The following SLC6A4 variants were observed in gnomAD, a reference collection of about 807,000 sequenced individuals.
The protein encoded by SLC6A4 is solute carrier family 6 member 4.
In SLC6A4, 22 loss-of-function variants were observed where a neutral mutation model predicts 73.4. That is an observed-to-expected ratio of 0.30 (90% CI 0.21 to 0.43). The LOEUF (loss-of-function observed/expected upper bound fraction) is 0.43. Among genes scored for constraint, SLC6A4 ranks in the 20% least tolerant of loss-of-function variants. SLC6A4 has a pLI of 1.00. For missense variants in SLC6A4, 593 were observed against 808.5 expected (o/e 0.73, Z 3.23); for synonymous variants, 270 against 315.5 (o/e 0.86, Z 1.53).
intron 3 of SLC6A4, among the ~76,000 whole-genome samples, chr17:30,220,049 G>A (rs1347340784): frequency 6.6e-6 from 1 of 152,196 alleles, no homozygotes; most frequent in Non-Finnish European, 1.5e-5. Context: ...CTCTGGAGCA[G>A]GAGATAAGGT....
Position 30,223,252 on chromosome 17 carries a change from T to G in SLC6A4, c.-220-337A>C, listed in dbSNP as rs114033421. On this transcript the variant is annotated intron_variant, in intron 1 of 14. Transcript: ENST00000650711. Reference sequence around the variant, plus strand: ...GAAATACGTTTCTGCCTAGCTGAGATGACACTGGACCCTTCTAGAAAAGAT... The same window carrying G: ...GAAATACGTTTCTGCCTAGCTGAGAGGACACTGGACCCTTCTAGAAAAGAT... Among the ~76,000 whole-genome samples the G allele has an allele frequency of 5.0e-3, 762 of 152,316 alleles. 4 individuals carry two copies. The highest frequency in any genetic ancestry group is 0.018 in the African/African-American group (734 of 41,562).
rs769335893 is a variant in SLC6A4 at position 30,221,655 on chromosome 17, C to T, written c.304G>A (p.Val102Ile). 6.8e-6 allele frequency: 11 copies of T among 1,614,070 alleles called. No individual in the cohort carries two copies. The African/African-American group carries it at 8.0e-5, about 12-fold the overall frequency. The change falls in exon 3 of 15, where the codon GTC becomes ATC. Residue 102 changes from valine (V) to isoleucine (I), a missense_variant. Coordinates refer to ENST00000650711, the MANE Select transcript of SLC6A4 (RefSeq NM_001045.6). ...TAACATATGTAGGGGAAGCGCCAGACATTGCCCAGGTCCACAGCATAGCCA... is the reference window on the plus strand; with the variant it reads ...TAACATATGTAGGGGAAGCGCCAGATATTGCCCAGGTCCACAGCATAGCCA... ...VIGYAVDLGNVWRFPYICYQN... is the reference protein window; with the variant it reads ...VIGYAVDLGNIWRFPYICYQN...
intron 7 of SLC6A4, 24 bp from the exon 8 acceptor site, chr17:30,215,738 CATGG>C: frequency 6.2e-7 from 1 of 1,600,128 alleles, no homozygotes; most frequent in African/African-American, 1.3e-5. Context: ...GGGGTAAGGG[CATGG>C]GGTGAGGGGG....
chr17:30,209,037 A>G (rs897730888), intron 12 of SLC6A4, 106 bp downstream of exon 12: 4 of 742,610 alleles, frequency 5.4e-6, no homozygotes, highest in Non-Finnish European at 9.3e-6. Context: ...GGGAGGTCAC[A>G]TCTTGTAAAC....
rs397965577 is a variant in SLC6A4 at position 30,230,101 on chromosome 17, G to GA, written c.-221+5511_-221+5512insT. ...AAGAAGAAGAAGAAGAAGAAGAGGA[G>GA]GAAGAGGAAGAGGAAGAGGAAGAGG... On this transcript the variant is annotated intron_variant, in intron 1 of 14. Coordinates refer to ENST00000650711, the MANE Select transcript of SLC6A4 (RefSeq NM_001045.6). Among the ~76,000 whole-genome samples, 31 of 90,428 alleles carry GA rather than the reference G, an allele frequency of 3.4e-4. No homozygotes were observed. The East Asian group carries it at 0.012, about 35-fold the overall frequency. 59.3% of individuals were successfully genotyped at this position (90,428 alleles called of 152,430 possible). A position where few individuals can be genotyped will look rare whatever the true frequency, so the allele number is the denominator to read the frequency against.
chr17:30,209,158 C>G lies in SLC6A4; in HGVS notation c.1534G>C (p.Val512Leu). ...AGCGTCTTACCATAGAACCAAGACA[C>G]AGCGACTGCTTCGATCAGCGCGACA... ...LTVALIEAVA[V>L]SWFYGITQFC... The change falls in exon 12 of 15, where the codon GTG (valine) becomes CTG (leucine). Residue 512 changes from valine to leucine, a missense_variant. By Grantham distance (32) the Val-to-Leu change is conservative. Coordinates refer to ENST00000650711, the MANE Select transcript of SLC6A4 (RefSeq NM_001045.6). 6.2e-7 allele frequency: 1 copy of G among 1,613,162 alleles called. No individual in the cohort carries two copies. Among genetic ancestry groups the G allele is most frequent in the Non-Finnish European group, 8.5e-7 (1 of 1,179,180 alleles).
chr17:30,208,676 A>C (rs1906285392), intron 12 of SLC6A4, among the ~76,000 whole-genome samples: 1 of 152,040 alleles, frequency 6.6e-6, no homozygotes, highest in Non-Finnish European at 1.5e-5. Flanking sequence ...AAAGTGGTTT[A>C]TTTTTGTTTG....
At chr17:30,220,600 A>G (rs1489868752) in intron 3 of SLC6A4, among the ~76,000 whole-genome samples, 1 of 152,180 alleles carries the variant, frequency 6.6e-6, no homozygotes, top group Non-Finnish European at 1.5e-5. Flanking sequence ...CCAGACTGGT[A>G]ATTAAGATTT....
intron 6 of SLC6A4, among the ~76,000 whole-genome samples, 198 bp downstream of exon 6, chr17:30,216,968 G>T (rs1328300431): frequency 6.6e-6 from 1 of 152,116 alleles, no homozygotes; most frequent in Non-Finnish European, 1.5e-5. Flanking sequence ...CCAAAGTGCT[G>T]GGATTAGAGA....
At chr17:30,230,070 A>AAGAAGAAGAAGT (rs1287845169) in intron 1 of SLC6A4, among the ~76,000 whole-genome samples, 2 of 112,776 alleles carry the variant, frequency 1.8e-5, no homozygotes, top group African/African-American at 9.9e-5. Flanking sequence ...GAAGAAGAAG[A>AAGAAGAAGAAGT]AGAAGAAGAA....
At chr17:30,222,370 C>T (rs1906793035) in intron 2 of SLC6A4, among the ~76,000 whole-genome samples, 1 of 152,190 alleles carries the variant, frequency 6.6e-6, no homozygotes, top group Non-Finnish European at 1.5e-5. Flanking sequence ...GAGCAAAGCA[C>T]TCGCTTCCCT....
intron 14 of SLC6A4, among the ~76,000 whole-genome samples, chr17:30,201,117 C>G (rs1906019266): frequency 1.3e-5 from 2 of 152,118 alleles, no homozygotes; most frequent in African/African-American, 4.8e-5. Flanking sequence ...GTCCAGCAGT[C>G]TCCAAAAATT....
At position 30,221,723 on chromosome 17, in the gene SLC6A4, C is replaced by G. The variant is rs760517433; in HGVS notation, c.236G>C (p.Arg79Pro). 1 of 1,614,202 alleles carries G rather than the reference C, an allele frequency of 6.2e-7. No homozygotes were observed. The highest frequency in any genetic ancestry group is 8.5e-7 in the Non-Finnish European group (1 of 1,180,034). Residue 79 changes from arginine (R) to proline (P), a missense_variant, in exon 3 of 15, where the codon CGG (arginine) becomes CCG (proline). Arg to Pro is a moderately radical substitution (Grantham distance 103, BLOSUM62 -2). Coordinates refer to ENST00000650711, the MANE Select transcript of SLC6A4 (RefSeq NM_001045.6). ...ATCCACCTTCTTGCCCCAGGTCTCCCGTTCCCCTTGATGAAGCTCAGCCAC... is the reference window on the plus strand; with the variant it reads ...ATCCACCTTCTTGCCCCAGGTCTCCGGTTCCCCTTGATGAAGCTCAGCCAC... ...TLVAELHQGE[R>P]ETWGKKVDFL...
In SLC6A4 at chr17:30,218,246, G is replaced by A; in HGVS notation, c.570C>T (p.Ser190=). 3 of 1,614,232 alleles carry A rather than the reference G, an allele frequency of 1.9e-6. No homozygotes were observed. Among genetic ancestry groups the A allele is most frequent in the East Asian group, 2.2e-5 (1 of 44,890 alleles). The change falls in exon 5 of 15, where the codon TCC becomes TCT. Residue 190 remains serine, a synonymous_variant. Transcript: ENST00000650711. ...TGGTCCAGGGCAGCTGGTCCGTGAA[G>A]GAGGAGATGAGGTAGTATAGCGCCC... ...MAWALYYLIS[S]FTDQLPWTSC... is the part of the protein sequence containing the mutation.
At chr17:30,223,003 CTGCTGTGCCTTCA>C in intron 1 of SLC6A4, 88 bp from the exon 2 acceptor site, 1 of 426,696 alleles carries the variant, frequency 2.3e-6, no homozygotes. Context: ...CTGGCCGGGG[CTGCTGTGCCTTCA>C]TTTCACCGCC....
chr17:30,210,692 G>T, intron 10 of SLC6A4, 46 bp from the exon 11 acceptor site: 1 of 1,583,308 alleles, frequency 6.3e-7, no homozygotes, highest in Non-Finnish European at 8.6e-7. Context: ...TTGGGACAAG[G>T]CTGTGGCCTT....
intron 14 of SLC6A4, among the ~76,000 whole-genome samples, chr17:30,199,461 G>A (rs765165121): frequency 1.3e-5 from 2 of 152,156 alleles, no homozygotes; most frequent in Non-Finnish European, 2.9e-5. Context: ...TGATCTTTAG[G>A]TGAAGTTCTG....
Position 30,198,425 on chromosome 17 carries a change from T to G in SLC6A4, c.*31A>C. The G allele has an allele frequency of 7.4e-7, 1 of 1,342,868 alleles. No homozygotes were observed. Among genetic ancestry groups the G allele is most frequent in the Non-Finnish European group, 1.1e-6 (1 of 944,688 alleles). 83.2% of individuals were successfully genotyped at this position (1,342,868 alleles called of 1,614,324 possible). A position where few individuals can be genotyped will look rare whatever the true frequency, so the allele number is the denominator to read the frequency against. On this transcript the variant is annotated 3_prime_UTR_variant, in exon 15 of 15. Transcript: ENST00000650711. ...TCATCAGAACTGGAGGAGGAGGTTGTGGAGAAGCCTTTTTCCTCTCGGTGA... is the reference window on the plus strand; with the variant it reads ...TCATCAGAACTGGAGGAGGAGGTTGGGGAGAAGCCTTTTTCCTCTCGGTGA...
intron 8 of SLC6A4, among the ~76,000 whole-genome samples, chr17:30,215,333 A>G (rs961848718): frequency 1.3e-5 from 2 of 152,202 alleles, no homozygotes; most frequent in Admixed American, 6.5e-5. Context: ...GTGAGCCACC[A>G]TGTCCAGCCT....
Sources: gnomAD v4.1 joint callset for allele counts (sites outside exome capture counted in the v4.1 genomes callset) on GRCh38, gnomAD v4.1.1 for gene constraint, MANE v1.5 for transcripts, NCBI Gene and HGNC (gene_info 2026-07-23, HGNC 2026-07-21) for gene names.